Variants in INSL6 observed in about 807,000 individuals in gnomAD.
INSL6 encodes insulin-like peptide INSL6.
Under a neutral mutation model 9.4 loss-of-function variants are expected in INSL6, and 16 were observed. The ratio of observed to expected loss-of-function variants is 1.70; its 90% CI spans 1.15 to 2.59. INSL6 has a LOEUF of 2.59. INSL6 is among the 30% of genes most tolerant of loss of function. The pLI is 0.00. For synonymous variants in INSL6, 154 were observed against 96.9 expected (o/e 1.59, Z -3.46); for missense variants, 391 against 257.3 (o/e 1.52, Z -3.56).
chr9:5,041,960 C>CGG, the INSL6 span: 1 of 378,484 alleles, frequency 2.6e-6, no homozygotes, highest in South Asian at 2.1e-5. Context: ...CTTCTCCGTG[C>CGG]GGCCCCTTGG....
the INSL6 span, chr9:5,044,544 T>G: frequency 7.6e-7 from 1 of 1,315,396 alleles, no homozygotes; most frequent in East Asian, 2.3e-5. Flanking sequence ...ATCTTACTTG[T>G]ACATGAGTTA....
At chr9:5,069,680 T>C in the INSL6 span, among the ~76,000 whole-genome samples, 1 of 152,108 alleles carries the variant, frequency 6.6e-6, no homozygotes, top group African/African-American at 2.4e-5. Flanking sequence ...CTGGCAGGAA[T>C]ACATCAAAAT....
At chr9:5,118,695 G>T in the INSL6 span, among the ~76,000 whole-genome samples, 1 of 152,168 alleles carries the variant, frequency 6.6e-6, no homozygotes, top group Admixed American at 6.5e-5. Context: ...TAAGTGAGTG[G>T]ACAGGAATGG....
chr9:5,112,742 A>T, the INSL6 span: 1 of 701,524 alleles, frequency 1.4e-6, no homozygotes, highest in Non-Finnish European at 2.2e-6. Flanking sequence ...AGCCTGTTTG[A>T]AACGGCGAGA....
intron 2 of INSL6, among the ~76,000 whole-genome samples, chr9:5,139,967 T>C (rs1188188629): frequency 1.3e-5 from 2 of 152,066 alleles, no homozygotes; most frequent in Non-Finnish European, 2.9e-5. Flanking sequence ...TAGTTGAAAA[T>C]AGACTGAAAT....
chr9:5,153,449 C>A (rs761512747), intron 2 of INSL6, among the ~76,000 whole-genome samples: 1 of 152,138 alleles, frequency 6.6e-6, no homozygotes, highest in Admixed American at 6.5e-5. Context: ...GTGGAGCCCA[C>A]GCCAGCTCAG....
chr9:5,170,117 G>A (rs1258672386), intron 1 of INSL6, among the ~76,000 whole-genome samples: 1 of 152,112 alleles, frequency 6.6e-6, no homozygotes, highest in African/African-American at 2.4e-5. Context: ...ACACTCCTCA[G>A]CAAATGCAAA....
chr9:5,052,046 G>A, the INSL6 span, among the ~76,000 whole-genome samples: 3 of 152,032 alleles, frequency 2.0e-5, no homozygotes, highest in Admixed American at 6.6e-5. Context: ...GAACATAGTT[G>A]GAGGAAGAGT....
intron 2 of INSL6, among the ~76,000 whole-genome samples, chr9:5,142,278 C>T (rs1293392883): frequency 6.6e-6 from 1 of 152,156 alleles, no homozygotes; most frequent in Non-Finnish European, 1.5e-5. Flanking sequence ...ACAGGTATAA[C>T]ACTGAATCTG....
the INSL6 span, among the ~76,000 whole-genome samples, chr9:5,056,920 T>C: frequency 2.0e-5 from 3 of 152,192 alleles, no homozygotes; most frequent in Non-Finnish European, 2.9e-5. Flanking sequence ...CTATTTAAAC[T>C]CAAATGCATG....
the INSL6 span, among the ~76,000 whole-genome samples, chr9:5,073,392 T>G: frequency 6.6e-6 from 1 of 152,332 alleles, no homozygotes; most frequent in East Asian, 1.9e-4. Context: ...CTACCTCTAG[T>G]TGTACTTCTG....
chr9:5,082,422 T>A, the INSL6 span, among the ~76,000 whole-genome samples: 1 of 152,244 alleles, frequency 6.6e-6, no homozygotes, highest in Non-Finnish European at 1.5e-5. Flanking sequence ...TAAAGCAGCA[T>A]TGCTGCCAAC....
the INSL6 span, among the ~76,000 whole-genome samples, chr9:5,008,806 T>C: frequency 6.6e-6 from 1 of 152,228 alleles, no homozygotes; most frequent in African/African-American, 2.4e-5. Context: ...ATTATTTTTC[T>C]TCCCTGTGTT....
downstream of INSL6, among the ~76,000 whole-genome samples, chr9:5,122,527 A>G (rs559630344): frequency 6.0e-4 from 92 of 152,230 alleles, no homozygotes; most frequent in Non-Finnish European, 2.5e-4. Context: ...CTGTCTACAG[A>G]GACAAAAATA....
chr9:5,161,954 C>T (rs78286887), downstream of INSL6, among the ~76,000 whole-genome samples: 24 of 151,880 alleles, frequency 1.6e-4, no homozygotes, highest in African/African-American at 5.3e-4. Context: ...TGGTATGAAC[C>T]TGTAGTCCTG....
the INSL6 span, chr9:5,084,997 A>C: frequency 1.2e-6 from 1 of 848,168 alleles, no homozygotes; most frequent in Non-Finnish European, 1.9e-6. Flanking sequence ...AAGAGTTGTC[A>C]TTTATGTCTT....
chr9:5,158,987 T>C (rs959876026), downstream of INSL6, among the ~76,000 whole-genome samples: 1 of 152,118 alleles, frequency 6.6e-6, no homozygotes, highest in Non-Finnish European at 1.5e-5. Flanking sequence ...AAAAAGTTAA[T>C]GAGGAGACAA....
chr9:5,042,298 C>T, the INSL6 span, among the ~76,000 whole-genome samples: 1 of 151,546 alleles, frequency 6.6e-6, no homozygotes, highest in Non-Finnish European at 1.5e-5. Flanking sequence ...CCACCGCGCC[C>T]GGCTAATTTT....
chr9:5,080,298 C>A, the INSL6 span: 1 of 1,613,140 alleles, frequency 6.2e-7, no homozygotes, highest in Non-Finnish European at 8.5e-7. Context: ...AATTTGGCAA[C>A]AGACAAATGG....
Sources: gnomAD v4.1 joint callset for allele counts (sites outside exome capture counted in the v4.1 genomes callset) on GRCh38, gnomAD v4.1.1 for gene constraint, MANE v1.5 for transcripts, NCBI Gene and HGNC (gene_info 2026-07-23, HGNC 2026-07-21) for gene names.